Variants in UFL1 observed in about 807,000 individuals in gnomAD.
The protein encoded by UFL1 is E3 UFM1-protein ligase 1.
A neutral mutation model predicts 99.3 loss-of-function variants in UFL1; 78 were observed. The observed-to-expected ratio is 0.79, with a 90% CI of 0.65 to 0.95. The LOEUF is 0.95. Among genes scored for constraint, UFL1 ranks in the 40% least tolerant of loss-of-function variants. The pLI, the probability that UFL1 is intolerant of heterozygous loss-of-function variation, is 0.00. For missense variants in UFL1, 936 were observed against 937.0 expected (o/e 1.00, Z 0.01); for synonymous variants, 335 against 322.2 (o/e 1.04, Z -0.42).
intron 8 of UFL1, 59 bp downstream of exon 8, chr6:96,536,449 A>G (rs539103787): frequency 1.4e-6 from 2 of 1,399,724 alleles, no homozygotes; most frequent in South Asian, 1.3e-5. Flanking sequence ...TCATTCTTTA[A>G]AAGTATTATA....
rs1051318344 is a variant in UFL1, at chr6:96,545,894, C to T, written c.1403-2270C>T. Among the ~76,000 whole-genome samples the T allele has an allele frequency of 6.6e-5, 10 of 150,976 alleles. 1 individual carries two copies. The highest frequency in any genetic ancestry group is 2.1e-4 in the South Asian group (1 of 4,818). On this transcript the variant is annotated intron_variant, in intron 12 of 18. Coordinates refer to ENST00000369278, the MANE Select transcript of UFL1 (RefSeq NM_015323.5). Reference sequence around the variant, plus strand: ...CCTCAAAATAATAAGAGCTACTTAACGACAAACCCACAACAGCATCATACT... The same window carrying T: ...CCTCAAAATAATAAGAGCTACTTAATGACAAACCCACAACAGCATCATACT...
intron 6 of UFL1, among the ~76,000 whole-genome samples, chr6:96,532,755 A>C (rs1769799886): frequency 6.6e-6 from 1 of 152,162 alleles, no homozygotes; most frequent in Non-Finnish European, 1.5e-5. Context: ...CTTTCCAGTC[A>C]CCAGAATCAT....
intron 6 of UFL1, among the ~76,000 whole-genome samples, chr6:96,529,769 C>G (rs1307385379): frequency 6.6e-6 from 1 of 152,174 alleles, no homozygotes; most frequent in Non-Finnish European, 1.5e-5. Context: ...AACAAATCAA[C>G]AAGCATTTGT....
chr6:96,522,426 G>T (rs556963712), intron 1 of UFL1, among the ~76,000 whole-genome samples: 117 of 152,104 alleles, frequency 7.7e-4, no homozygotes, highest in Admixed American at 2.6e-3. Flanking sequence ...CAGACCTAGG[G>T]CTAGACCCCT....
In UFL1 at chr6:96,549,533, T is replaced by A. The variant is rs1582446400; in HGVS notation, c.1642T>A (p.Tyr548Asn). The stretch of plus-strand genomic sequence containing the variant: ...CTTGCAAGAAGAAGTTTCAAACCTG[T>A]ACAATAACATTAGGTTATTTGAAAA... ...KDLQEEVSNL[Y>N]NNIRLFEKGM... Residue 548 changes from tyrosine to asparagine, a missense_variant, in exon 14 of 19, where the codon TAC becomes AAC. Tyr to Asn is a moderately radical substitution (Grantham distance 143). Transcript: ENST00000369278. 2 of 1,597,996 alleles carry A rather than the reference T, an allele frequency of 1.3e-6. No homozygotes were observed. Among genetic ancestry groups the A allele is most frequent in the Non-Finnish European group, 8.5e-7 (1 of 1,174,916 alleles).
chr6:96,533,546 A>G (rs1366073871), intron 6 of UFL1, among the ~76,000 whole-genome samples: 2 of 152,006 alleles, frequency 1.3e-5, no homozygotes, highest in Non-Finnish European at 2.9e-5. Context: ...CAGAAAACAG[A>G]TAGTTATCTA....
chr6:96,538,503 A>G (rs990421483), intron 9 of UFL1, 128 bp from the exon 10 acceptor site: 4 of 794,634 alleles, frequency 5.0e-6, no homozygotes, highest in Non-Finnish European at 7.7e-6. Context: ...GGTTATCGGC[A>G]TAAATATGGT....
chr6:96,549,739 C>A lies in UFL1; in HGVS notation c.1758C>A (p.Phe586Leu). 1 of 1,612,240 alleles carries A rather than the reference C, an allele frequency of 6.2e-7. No individual in the cohort carries two copies. The highest frequency in any genetic ancestry group is 8.5e-7 in the Non-Finnish European group (1 of 1,178,782). The stretch of plus-strand genomic sequence containing the variant: ...GTACTGATATCACTAACCTCATTTT[C>A]AACTTCTTAGCTTCGGATTTAATGA... ...SVCTDITNLI[F>L]NFLASDLMMA... The change falls in exon 15 of 19, where the codon TTC becomes TTA. Residue 586 changes from phenylalanine to leucine, a missense_variant. Phe to Leu is a conservative substitution (Grantham distance 22). Coordinates refer to ENST00000369278, the MANE Select transcript of UFL1 (RefSeq NM_015323.5).
chr6:96,526,587 T>C lies in UFL1; in HGVS notation c.465+152T>C, dbSNP rs1769707198. ...TTGATATATGTTGTACCAATATATT[T>C]GGGGGGTACTTCTAGTACATTAATG... On this transcript the variant is annotated intron_variant, in intron 5 of 18. Transcript: ENST00000369278. 1.7e-5 allele frequency: 11 copies of C among 659,892 alleles called. No homozygotes were observed. In the South Asian group the frequency reaches 1.9e-4, roughly 11 times the overall value. 40.9% of individuals were successfully genotyped at this position (659,892 alleles called of 1,614,324 possible).
intron 6 of UFL1, among the ~76,000 whole-genome samples, chr6:96,533,421 A>G (rs1769810409): frequency 6.6e-6 from 1 of 152,100 alleles, no homozygotes; most frequent in Non-Finnish European, 1.5e-5. Flanking sequence ...AACATCAATA[A>G]GAAGGAATGA....
intron 10 of UFL1, 78 bp downstream of exon 10, chr6:96,538,888 G>A: frequency 1.6e-6 from 2 of 1,289,136 alleles, no homozygotes; most frequent in South Asian, 1.9e-5. Context: ...TTGAAAAAGG[G>A]GATAAGTGAA....
In UFL1 at chr6:96,538,759, A is replaced by G. The variant is rs1375362973; in HGVS notation, c.1107A>G (p.Ile369Met). ...CTGTTGTAGTCAGTGAAAAATTTAT[A>G]AATGACTGTACAGAACTGTTCCGTG... ...SDTVVVSEKF[I>M]NDCTELFREL... Residue 369 changes from isoleucine to methionine, a missense_variant, in exon 10 of 19, where the codon ATA becomes ATG. Coordinates refer to ENST00000369278, the MANE Select transcript of UFL1 (RefSeq NM_015323.5). The G allele has an allele frequency of 6.2e-7, 1 of 1,611,272 alleles. No homozygotes were observed. The highest frequency in any genetic ancestry group is 1.1e-5 in the South Asian group (1 of 90,978).
In UFL1 at chr6:96,522,673, GGGT is replaced by G. The variant is rs2127947912; in HGVS notation, c.78-472_78-470del. Among the ~76,000 whole-genome samples, 3 of 152,262 alleles carry G rather than the reference GGGT, an allele frequency of 2.0e-5. No homozygotes were observed. The South Asian group carries it at 6.2e-4, about 32-fold the overall frequency. On this transcript the variant is annotated intron_variant, in intron 1 of 18. Coordinates refer to ENST00000369278, the MANE Select transcript of UFL1 (RefSeq NM_015323.5). ...TCGTAACTGCATGGGTAACTAACGT[GGGT>G]AAAAGTTATGGTTTCACTAGGCCAC...
At chr6:96,529,697 T>A (rs1250805942) in intron 6 of UFL1, among the ~76,000 whole-genome samples, 3 of 152,214 alleles carry the variant, frequency 2.0e-5, no homozygotes, top group Non-Finnish European at 2.9e-5. Flanking sequence ...TCTTCCCAGT[T>A]CTGTGCTGTC....
Position 96,553,409 on chromosome 6 carries a change from T to G in UFL1, c.2291T>G (p.Val764Gly). 2.5e-6 allele frequency: 4 copies of G among 1,613,838 alleles called. No individual in the cohort carries two copies. The highest frequency in any genetic ancestry group is 1.3e-5 in the African/African-American group (1 of 75,034). Residue 764 changes from valine to glycine, a missense_variant, in exon 19 of 19, where the codon GTT becomes GGT. Val to Gly is a moderately radical substitution (Grantham distance 109). Coordinates refer to ENST00000369278, the MANE Select transcript of UFL1 (RefSeq NM_015323.5). ...NNELDKEQED[V>G]ASTTRKELQE... ...GAATTAGACAAAGAACAAGAAGATG[T>G]TGCCAGTACTACTCGTAAAGAGCTT...
chr6:96,532,192 A>G (rs775453642), intron 6 of UFL1, among the ~76,000 whole-genome samples: 14 of 152,198 alleles, frequency 9.2e-5, no homozygotes, highest in Non-Finnish European at 1.9e-4. Flanking sequence ...GCACAACTCA[A>G]TTCATTGTTT....
chr6:96,526,438 AT>A lies in UFL1; in HGVS notation c.465+11del, dbSNP rs752907757. 5.0e-6 allele frequency: 8 copies of A among 1,606,634 alleles called. No homozygotes were observed. In the Admixed American group the frequency reaches 6.8e-5, roughly 14 times the overall value. Reference sequence around the variant, plus strand: ...TTCCTGGGAACTTTCTGACACAGGTATTTTTTTTCCTAATAATACAATGTGT... The same window carrying A: ...TTCCTGGGAACTTTCTGACACAGGTATTTTTTTCCTAATAATACAATGTGT... On this transcript the variant is annotated splice_donor_region_variant and intron_variant, in intron 5 of 18. Transcript: ENST00000369278.
At chr6:96,525,792 C>T (rs908001288) in intron 4 of UFL1, among the ~76,000 whole-genome samples, 29 of 151,474 alleles carry the variant, frequency 1.9e-4, no homozygotes, top group Non-Finnish European at 8.8e-5. Context: ...CGTTCCTTCC[C>T]GTATAATCTT....
In UFL1 at chr6:96,526,191, T is replaced by C. The variant is rs1052058376; in HGVS notation, c.351-130T>C. 15 of 642,806 alleles carry C rather than the reference T, an allele frequency of 2.3e-5. 1 individual carries two copies. The Admixed American group carries it at 3.5e-4, about 15-fold the overall frequency. The allele number at this position is 642,806 out of a possible 1,614,324, so 39.8% of individuals were successfully genotyped here. On this transcript the variant is annotated intron_variant, in intron 4 of 18. Coordinates refer to ENST00000369278, the MANE Select transcript of UFL1 (RefSeq NM_015323.5). ...TTGTTAGAATATGAGTGATGAGTGG[T>C]GTTCATGTACACACACATTTCATTA...
Sources: gnomAD v4.1 joint callset for allele counts (sites outside exome capture counted in the v4.1 genomes callset) on GRCh38, gnomAD v4.1.1 for gene constraint, MANE v1.5 for transcripts, NCBI Gene and HGNC (gene_info 2026-07-23, HGNC 2026-07-21) for gene names.